The following SLC36A1 variants were observed in gnomAD, a reference collection of about 807,000 sequenced individuals.
The protein encoded by SLC36A1 is solute carrier family 36 member 1, also known as proton-coupled amino acid transporter 1.
Under a neutral mutation model 47.5 loss-of-function variants are expected in SLC36A1, and 30 were observed. The observed-to-expected ratio is 0.63, with a 90% CI of 0.47 to 0.86. SLC36A1 has a LOEUF of 0.86. Among genes scored for constraint, SLC36A1 ranks in the 40% least tolerant of loss-of-function variants. The pLI is 0.00. For missense variants in SLC36A1, 517 were observed against 606.0 expected (o/e 0.85, Z 1.54); for synonymous variants, 255 against 249.7 (o/e 1.02, Z -0.20).
downstream of SLC36A1, among the ~76,000 whole-genome samples, chr5:151,496,659 G>A (rs554975044): frequency 3.3e-5 from 5 of 152,278 alleles, no homozygotes; most frequent in South Asian, 2.1e-4. Flanking sequence ...GGGTTCAAGC[G>A]ATTCTCCTGT....
At chr5:151,370,849 C>T in the SLC36A1 span, among the ~76,000 whole-genome samples, 3 of 152,100 alleles carry the variant, frequency 2.0e-5, no homozygotes, top group East Asian at 1.9e-4. Flanking sequence ...AAAAATTAGC[C>T]GGGCGTGATG....
the SLC36A1 span, chr5:151,545,634 C>T: frequency 6.2e-7 from 1 of 1,614,154 alleles, no homozygotes. Context: ...AGGGCATGCT[C>T]TCATAATCCA....
chr5:151,527,948 T>C, the SLC36A1 span: 3 of 1,596,708 alleles, frequency 1.9e-6, no homozygotes, highest in Non-Finnish European at 2.6e-6. Flanking sequence ...AGTGGGACTG[T>C]GTCTCTGCTC....
At chr5:151,391,088 C>A in the SLC36A1 span, among the ~76,000 whole-genome samples, 3 of 152,038 alleles carry the variant, frequency 2.0e-5, no homozygotes, top group African/African-American at 7.3e-5. Context: ...TTTTGTTGAG[C>A]AGTGGTTTGT....
At chr5:151,372,850 A>G in the SLC36A1 span, among the ~76,000 whole-genome samples, 1 of 152,328 alleles carries the variant, frequency 6.6e-6, no homozygotes, top group East Asian at 1.9e-4. Flanking sequence ...TAAACAGAAA[A>G]AAAGAGTGAA....
rs1257520939 is a variant in SLC36A1, at chr5:151,479,572, G to C, written c.1159+83G>C. 4 of 1,498,048 alleles carry C rather than the reference G, an allele frequency of 2.7e-6. No individual in the cohort carries two copies. The African/African-American group carries it at 4.1e-5, about 16-fold the overall frequency. The allele number at this position is 1,498,048 out of a possible 1,614,324, so 92.8% of individuals were successfully genotyped here. On this transcript the variant is annotated intron_variant, in intron 10 of 10. Transcript: ENST00000243389. Reference sequence around the variant, plus strand: ...AGGCTTTCATGAGAAAAGACAATGTGTGTTGTAGTGAAGCTGGCTATGTTT... The same window carrying C: ...AGGCTTTCATGAGAAAAGACAATGTCTGTTGTAGTGAAGCTGGCTATGTTT...
At chr5:151,405,857 T>G in the SLC36A1 span, among the ~76,000 whole-genome samples, 1 of 152,180 alleles carries the variant, frequency 6.6e-6, no homozygotes, top group Non-Finnish European at 1.5e-5. Flanking sequence ...TCCTTAGTTT[T>G]GGTTATTTAC....
At chr5:151,382,259 G>A in the SLC36A1 span, 1 of 1,332,852 alleles carries the variant, frequency 7.5e-7, no homozygotes, top group Non-Finnish European at 1.1e-6. Context: ...ACCAGCCTGG[G>A]AGCTACATAG....
chr5:151,347,295 A>G, the SLC36A1 span: 2 of 1,614,166 alleles, frequency 1.2e-6, no homozygotes, highest in South Asian at 2.2e-5. Context: ...AACAGCACTC[A>G]CGTTATGCCC....
the SLC36A1 span, chr5:151,544,023 AT>A: frequency 6.2e-7 from 1 of 1,614,182 alleles, no homozygotes; most frequent in Non-Finnish European, 8.5e-7. Flanking sequence ...TATCAGACAC[AT>A]TGACAACCAC....
chr5:151,546,220 C>CCTTGAT, the SLC36A1 span: 2 of 1,614,112 alleles, frequency 1.2e-6, no homozygotes, highest in Non-Finnish European at 1.7e-6. Context: ...TTGTGGGGAG[C>CCTTGAT]CTTGATCTTC....
the SLC36A1 span, chr5:151,549,326 G>T: frequency 2.5e-6 from 4 of 1,613,446 alleles, no homozygotes; most frequent in Non-Finnish European, 3.4e-6. Flanking sequence ...CCTCAGCATT[G>T]ACTCCCCGGT....
chr5:151,433,266 A>ATTTT (rs869250950), upstream of SLC36A1, among the ~76,000 whole-genome samples: 1 of 9,408 alleles, frequency 1.1e-4, no homozygotes, highest in Non-Finnish European at 2.0e-4. Context: ...ATATATATAT[A>ATTTT]TTTTTTTTTT....
At chr5:151,444,379 C>G (rs1752800301), upstream of SLC36A1, among the ~76,000 whole-genome samples, 1 of 152,100 alleles carries the variant, frequency 6.6e-6, no homozygotes, top group South Asian at 2.1e-4. Context: ...ACACCCTATT[C>G]ATGTCCTTGG....
At chr5:151,543,035 A>G in the SLC36A1 span, 1 of 1,614,186 alleles carries the variant, frequency 6.2e-7, no homozygotes, top group Non-Finnish European at 8.5e-7. Context: ...GGTGCAGAGA[A>G]AGTATACAAA....
intron 1 of SLC36A1, among the ~76,000 whole-genome samples, chr5:151,456,768 C>T (rs1754587950): frequency 6.6e-6 from 1 of 152,194 alleles, no homozygotes. Flanking sequence ...GTCCTTCCTA[C>T]ATTGCAATTG....
chr5:151,529,294 C>T, the SLC36A1 span: 125 of 1,614,006 alleles, frequency 7.7e-5, no homozygotes, highest in African/African-American at 6.1e-4. Flanking sequence ...ACTGTGGTCA[C>T]GTCACTGAGG....
At chr5:151,534,537 G>T in the SLC36A1 span, 172 of 1,613,986 alleles carry the variant, frequency 1.1e-4, 2 homozygotes, top group South Asian at 1.8e-3. Context: ...CACATGGAGG[G>T]TGATGTCTGC....
the SLC36A1 span, chr5:151,378,551 C>T: frequency 4.6e-6 from 1 of 217,802 alleles, no homozygotes; most frequent in Admixed American, 4.2e-5. Flanking sequence ...CATATCTTTT[C>T]CATTTAATCC....
Sources: allele counts gnomAD v4.1 joint callset (sites outside exome capture counted in the v4.1 genomes callset), GRCh38; gene constraint gnomAD v4.1.1; transcripts MANE v1.5; gene names NCBI Gene and HGNC (gene_info 2026-07-23, HGNC 2026-07-21).